PCDHA9: variants seen among roughly 807,000 people sequenced by gnomAD.
PCDHA9 encodes the protein protocadherin alpha-9.
PCDHA9 carries 62 observed loss-of-function variants against 62.0 expected under a neutral mutation model. That is an observed-to-expected ratio of 1.00 (90% CI 0.81 to 1.23). PCDHA9 has a LOEUF of 1.23. Ranked by LOEUF, PCDHA9 falls within the 50% of genes most tolerant of loss-of-function variation. The pLI is 0.00. For synonymous variants in PCDHA9, 557 were observed against 567.6 expected (o/e 0.98, Z 0.27); for missense variants, 1,205 against 1,249.8 (o/e 0.96, Z 0.54).
intron 1 of PCDHA9, chr5:140,857,534 C>G: frequency 1.9e-6 from 3 of 1,597,458 alleles, no homozygotes; most frequent in Non-Finnish European, 2.6e-6. Flanking sequence ...TCTGGTGGAG[C>G]GGCGGTTGGG....
chr5:140,976,897 T>C (rs2096736712), intron 1 of PCDHA9, among the ~76,000 whole-genome samples: 1 of 152,220 alleles, frequency 6.6e-6, no homozygotes, highest in Admixed American at 6.5e-5. Flanking sequence ...CATGCAACAG[T>C]ATGTAATAAA....
chr5:140,853,445 A>G, intron 1 of PCDHA9: 1 of 981,870 alleles, frequency 1.0e-6, no homozygotes, highest in Non-Finnish European at 1.2e-6. Flanking sequence ...ATTTTGCCTA[A>G]TAGGTCTCCT....
chr5:140,966,990 G>A, intron 1 of PCDHA9: 1 of 1,604,280 alleles, frequency 6.2e-7, no homozygotes, highest in Non-Finnish European at 8.5e-7. Context: ...TTGGGGCCGG[G>A]TTGCTTGCGC....
At chr5:140,851,197 G>A (rs1581255686) in intron 1 of PCDHA9, 1 of 1,202,520 alleles carries the variant, frequency 8.3e-7, no homozygotes. Flanking sequence ...TTAGTTGTTA[G>A]TCATTCATTA....
intron 1 of PCDHA9, chr5:140,967,421 C>T (rs2096138629): frequency 6.2e-7 from 1 of 1,613,120 alleles, no homozygotes; most frequent in Non-Finnish European, 8.5e-7. Context: ...AGACCGGGAG[C>T]AGGCAGCCTT....
chr5:140,990,825 AAGCCTATTAGCAAAAATAG>A (rs2097418390), intron 3 of PCDHA9, among the ~76,000 whole-genome samples: 1 of 152,202 alleles, frequency 6.6e-6, no homozygotes, highest in Non-Finnish European at 1.5e-5. Flanking sequence ...CTCTCAGCTA[AAGCCTATTAGCAAAAATAG>A]AGCCCTGAGG....
chr5:140,993,267 T>C (rs1554253547), intron 3 of PCDHA9, among the ~76,000 whole-genome samples: 1 of 152,166 alleles, frequency 6.6e-6, no homozygotes, highest in Non-Finnish European at 1.5e-5. Context: ...ATTAGCTTCT[T>C]TGGTCTTTTC....
chr5:140,850,795 CCGA>C lies in PCDHA9; in HGVS notation c.2302_2304del (p.Asp768del). 6.3e-7 allele frequency: 1 copy of C among 1,598,426 alleles called. No homozygotes were observed. The highest frequency in any genetic ancestry group is 8.6e-7 in the Non-Finnish European group (1 of 1,167,806). ...TGCTCTGGCGAGGGTAAGCAGAAGACCGACCTCATGGCCTTCAGCCCGGGCCTT... is the reference window on the plus strand; with the variant it reads ...TGCTCTGGCGAGGGTAAGCAGAAGACCCTCATGGCCTTCAGCCCGGGCCTT... On this transcript the variant is annotated inframe_deletion, in exon 1 of 4. Coordinates refer to ENST00000532602, the MANE Select transcript of PCDHA9 (RefSeq NM_031857.2).
At chr5:140,968,835 A>C in intron 1 of PCDHA9, 2 of 1,614,194 alleles carry the variant, frequency 1.2e-6, no homozygotes, top group Non-Finnish European at 1.7e-6. Flanking sequence ...ATCCTCCCTG[A>C]CACTCAGAGG....
chr5:140,960,053 G>A (rs2095524432), intron 1 of PCDHA9, among the ~76,000 whole-genome samples: 3 of 152,156 alleles, frequency 2.0e-5, no homozygotes, highest in Non-Finnish European at 4.4e-5. Flanking sequence ...TTAAAAACAT[G>A]TACAGAAGAT....
intron 1 of PCDHA9, among the ~76,000 whole-genome samples, chr5:140,913,414 CA>C: frequency 6.6e-6 from 1 of 152,102 alleles, no homozygotes; most frequent in African/African-American, 2.4e-5. Context: ...TGAATTCCTG[CA>C]GTATCAGTTG....
intron 1 of PCDHA9, chr5:140,968,964 G>A (rs782792392): frequency 7.4e-6 from 12 of 1,614,136 alleles, no homozygotes; most frequent in East Asian, 4.5e-5. Context: ...AAGTGCTACC[G>A]CTACACTGCG....
intron 3 of PCDHA9, among the ~76,000 whole-genome samples, chr5:140,985,692 C>T (rs1208331191): frequency 6.6e-6 from 1 of 151,060 alleles, no homozygotes; most frequent in Non-Finnish European, 1.5e-5. Flanking sequence ...CGCTAATCCT[C>T]GTTCATATGT....
intron 1 of PCDHA9, among the ~76,000 whole-genome samples, chr5:140,886,387 T>C (rs1245808319): frequency 2.6e-5 from 4 of 152,234 alleles, no homozygotes; most frequent in African/African-American, 9.6e-5. Flanking sequence ...GCTTATCTAT[T>C]ATCTGCATCA....
chr5:140,895,447 G>T (rs1188860605), intron 1 of PCDHA9, among the ~76,000 whole-genome samples: 1 of 152,060 alleles, frequency 6.6e-6, no homozygotes, highest in South Asian at 2.1e-4. Flanking sequence ...CTTTTCATGT[G>T]CTTATTGGTC....
chr5:140,849,958 C>A lies in PCDHA9; in HGVS notation c.1463C>A (p.Ala488Asp), dbSNP rs2041255697. The change falls in exon 1 of 4, where the codon GCC (alanine) becomes GAC (aspartate). Residue 488 changes from alanine to aspartate, a missense_variant. Ala to Asp is a moderately radical substitution (Grantham distance 126). Transcript: ENST00000532602. ...CGGGACGCTGACGCGCAGGAGAACG[C>A]CCTGGTGTCCTACTCGCTGGTGGAG... is the stretch of plus-strand genomic sequence containing the variant. ...SARDADAQEN[A>D]LVSYSLVERR... The A allele has an allele frequency of 6.3e-7, 1 of 1,597,774 alleles. No individual in the cohort carries two copies. Among genetic ancestry groups the A allele is most frequent in the East Asian group, 2.2e-5 (1 of 44,858 alleles).
At chr5:140,958,295 C>T (rs1405336220) in intron 1 of PCDHA9, among the ~76,000 whole-genome samples, 1 of 151,884 alleles carries the variant, frequency 6.6e-6, no homozygotes, top group Admixed American at 6.6e-5. Context: ...TATTATTGAA[C>T]TTAATTAAAA....
intron 3 of PCDHA9, among the ~76,000 whole-genome samples, chr5:140,991,067 A>C (rs2097429962): frequency 6.6e-6 from 1 of 152,184 alleles, no homozygotes; most frequent in Admixed American, 6.5e-5. Flanking sequence ...TATTATTCCC[A>C]TGTTTCAGAT....
intron 1 of PCDHA9, chr5:140,857,341 G>C (rs782659858): frequency 1.3e-6 from 2 of 1,598,438 alleles, no homozygotes; most frequent in Non-Finnish European, 1.7e-6. Context: ...ACGGGGGCTC[G>C]CCTCCGCTGT....
Sources: allele counts gnomAD v4.1 joint callset (sites outside exome capture counted in the v4.1 genomes callset), GRCh38; gene constraint gnomAD v4.1.1; transcripts MANE v1.5; gene names NCBI Gene and HGNC (gene_info 2026-07-23, HGNC 2026-07-21).